Variants in TMEM134 observed in about 807,000 individuals in gnomAD.
TMEM134 encodes transmembrane protein 134.
TMEM134 carries 36 observed loss-of-function variants against 26.2 expected under a neutral mutation model. The observed-to-expected ratio is 1.37, with a 90% CI of 1.05 to 1.81. The LOEUF is 1.81. Among genes scored for constraint, TMEM134 ranks in the 40% most tolerant of loss-of-function variants. TMEM134 has a pLI of 0.00. For missense variants in TMEM134, 339 were observed against 263.5 expected, an observed-to-expected ratio of 1.29 and a Z score of -1.98; for synonymous variants, 133 against 113.6, an observed-to-expected ratio of 1.17 and a Z score of -1.08.
intron 2 of TMEM134, 129 bp downstream of exon 2, chr11:67,467,897 TGA>T (rs1284599661): frequency 4.6e-6 from 4 of 876,040 alleles, no homozygotes; most frequent in Non-Finnish European, 7.1e-6. Context: ...GTGAGGAAAG[TGA>T]GGGTCAGGCT....
chr11:67,464,850 G>T lies in TMEM134; in HGVS notation c.458C>A (p.Ser153Tyr). The change falls in exon 6 of 7, where the codon TCC becomes TAC. Residue 153 changes from serine (S) to tyrosine (Y), a missense_variant. By Grantham distance (144) the Ser-to-Tyr change is moderately radical. Transcript: ENST00000308022. The stretch of plus-strand genomic sequence containing the variant: ...GCCCGGCACGAAGAAGATGGCGCTG[G>T]AGACACCTGCGGGAGGGACCAGAGC... ...GLEATPSPGV[S>Y]SAIFFVPGFL... 1.2e-6 allele frequency: 2 copies of T among 1,610,574 alleles called. No individual in the cohort carries two copies. Among genetic ancestry groups the T allele is most frequent in the Non-Finnish European group, 1.7e-6 (2 of 1,179,748 alleles).
rs779714229 is a variant in TMEM134 at position 67,465,166 on chromosome 11, C to T, written c.407-66G>A. The T allele has an allele frequency of 5.9e-6, 9 of 1,534,162 alleles. 1 individual carries two copies. The South Asian group carries it at 9.6e-5, about 16-fold the overall frequency. On this transcript the variant is annotated intron_variant, in intron 4 of 6. Coordinates refer to ENST00000308022, the MANE Select transcript of TMEM134 (RefSeq NM_025124.4). The stretch of plus-strand genomic sequence containing the variant: ...TGGTGAGGGCGGGGGCTCCCACCCC[C>T]AGCCCGGCTCACCCACCACCTGAGC...
chr11:67,469,072 G>T lies in TMEM134; in HGVS notation c.121C>A (p.Arg41=), dbSNP rs1401437182. The T allele has an allele frequency of 1.3e-6, 2 of 1,515,868 alleles. No homozygotes were observed. Among genetic ancestry groups the T allele is most frequent in the Admixed American group, 2.0e-5 (1 of 49,068 alleles). The allele number at this position is 1,515,868 out of a possible 1,614,324, so 93.9% of individuals were successfully genotyped here. A position where few individuals can be genotyped will look rare whatever the true frequency, so the allele number is the denominator to read the frequency against. ...TCGTCAGCCACCTCGAACCGGGCCC[G>T]ACGCTCGAAGTGCAGCGGCCCAAAG... ...ARFGPLHFER[R]ARFEVADEDK... Residue 41 remains arginine (R), a synonymous_variant, in exon 1 of 7, where the codon CGG becomes AGG. Transcript: ENST00000308022.
chr11:67,469,236 C>T lies in TMEM134; in HGVS notation c.-44G>A. ...CGCCGTGCGCCGCCGCCATCTGCGC[C>T]CACACACCCAGCGTCGCCGCTGCCC... On this transcript the variant is annotated 5_prime_UTR_variant, in exon 1 of 7. Transcript: ENST00000308022. The T allele has an allele frequency of 8.0e-7, 1 of 1,244,768 alleles. No homozygotes were observed. The highest frequency in any genetic ancestry group is 3.2e-5 in the East Asian group (1 of 31,468). 77.1% of individuals were successfully genotyped at this position (1,244,768 alleles called of 1,614,324 possible). A position where few individuals can be genotyped will look rare whatever the true frequency, so the allele number is the denominator to read the frequency against.
At chr11:67,468,002 G>C (rs766348661) in intron 2 of TMEM134, 26 bp downstream of exon 2, 1 of 1,550,654 alleles carries the variant, frequency 6.4e-7, no homozygotes. Flanking sequence ...CTGGGGTACA[G>C]GGTTGGGTCC....
Position 67,463,886 on chromosome 11 carries a change from T to G in TMEM134, c.*728A>C, listed in dbSNP as rs1007325222. The G allele has an allele frequency of 6.6e-6, 1 of 152,600 alleles. No individual in the cohort carries two copies. The highest frequency in any genetic ancestry group is 2.4e-5 in the African/African-American group (1 of 41,472). 9.5% of individuals were successfully genotyped at this position (152,600 alleles called of 1,614,324 possible). A position where few individuals can be genotyped will look rare whatever the true frequency, so the allele number is the denominator to read the frequency against. ...GGTGTCTGTCAGGCGCGGCTTCCTA[T>G]GCCCTCTGCCCCCAGGTTCTCCCAA... On this transcript the variant is annotated 3_prime_UTR_variant, in exon 7 of 7. Coordinates refer to ENST00000308022, the MANE Select transcript of TMEM134 (RefSeq NM_025124.4).
In TMEM134 at chr11:67,464,530, G is replaced by A. The variant is rs537736977; in HGVS notation, c.*84C>T. 3.6e-6 allele frequency: 5 copies of A among 1,400,086 alleles called. No individual in the cohort carries two copies. The African/African-American group carries it at 5.7e-5, about 16-fold the overall frequency. The allele number at this position is 1,400,086 out of a possible 1,614,324, so 86.7% of individuals were successfully genotyped here. A position where few individuals can be genotyped will look rare whatever the true frequency, so the allele number is the denominator to read the frequency against. On this transcript the variant is annotated 3_prime_UTR_variant, in exon 7 of 7. Transcript: ENST00000308022. The stretch of plus-strand genomic sequence containing the variant: ...GGGCTGGGGTTTCGAGGGTCCTGGA[G>A]GGCCTCTTCCCTTGAGATGAGGGGA...
rs1313792712 is a variant in TMEM134, at chr11:67,464,795, G to A, written c.505+8C>T. 2 of 1,597,828 alleles carry A rather than the reference G, an allele frequency of 1.3e-6. No homozygotes were observed. ...CCCCGCCCCTTCCGCCCCGGTGCCC[G>A]CTCGCACCTCCAGGCACCAACAACA... On this transcript the variant is annotated splice_region_variant and intron_variant, in intron 6 of 6. Transcript: ENST00000308022.
At chr11:67,467,837 G>A in intron 2 of TMEM134, 191 bp downstream of exon 2, 1 of 663,472 alleles carries the variant, frequency 1.5e-6, no homozygotes, top group East Asian at 2.7e-5. Context: ...TGAAAGAGGT[G>A]AGTACAGCTG....
chr11:67,463,063 G>A lies in TMEM134; in HGVS notation c.*1551C>T, dbSNP rs763554721. 1 of 152,148 alleles carries A rather than the reference G, an allele frequency of 6.6e-6. No homozygotes were observed. The highest frequency in any genetic ancestry group is 2.4e-5 in the African/African-American group (1 of 41,424). 9.4% of individuals were successfully genotyped at this position (152,148 alleles called of 1,614,324 possible). On this transcript the variant is annotated 3_prime_UTR_variant, in exon 7 of 7. Transcript: ENST00000308022. ...AACTGGTCCTTTACCATAGCTAGTT[G>A]GGGGACCACTGGTTTAGGAGTTCCT... is the stretch of plus-strand genomic sequence containing the variant.
intron 4 of TMEM134, 105 bp downstream of exon 4, chr11:67,467,207 A>G (rs1865307887): frequency 1.6e-5 from 17 of 1,085,102 alleles, no homozygotes; most frequent in East Asian, 2.4e-5. Context: ...CTGCCTCCTC[A>G]GGATGCTGGG....
At chr11:67,466,919 C>T (rs78214939) in intron 4 of TMEM134, 3,185 of 253,176 alleles carry the variant, frequency 0.013, 107 homozygotes, top group African/African-American at 0.069. Flanking sequence ...AGCCCCTACA[C>T]GTGGCTTCTG....
At position 67,462,894 on chromosome 11, in the gene TMEM134, T is replaced by G. The variant is rs1865061128; in HGVS notation, c.*1720A>C. On this transcript the variant is annotated 3_prime_UTR_variant, in exon 7 of 7. Transcript: ENST00000308022. Reference sequence around the variant, plus strand: ...TTTTTGTAGAGATGGGGTTTTCCCATGTTTCCCAGGTTGGTCTCGAACTCC... The same window carrying G: ...TTTTTGTAGAGATGGGGTTTTCCCAGGTTTCCCAGGTTGGTCTCGAACTCC... 1 of 151,690 alleles carries G rather than the reference T, an allele frequency of 6.6e-6. No individual in the cohort carries two copies. The highest frequency in any genetic ancestry group is 2.1e-4 in the South Asian group (1 of 4,802). The allele number at this position is 151,690 out of a possible 1,614,324, so 9.4% of individuals were successfully genotyped here. A position where few individuals can be genotyped will look rare whatever the true frequency, so the allele number is the denominator to read the frequency against.
Position 67,464,704 on chromosome 11 carries a change from G to A in TMEM134, c.506-8C>T, listed in dbSNP as rs1269780622. On this transcript the variant is annotated splice_region_variant and splice_polypyrimidine_tract_variant and intron_variant, in intron 6 of 6. Transcript: ENST00000308022. ...TGAAGATCACGTGATAGACTGCGGG[G>A]CGGGGCCTGTCAGCGCAGAAGCCCC... 6.4e-7 allele frequency: 1 copy of A among 1,552,112 alleles called. No individual in the cohort carries two copies. Among genetic ancestry groups the A allele is most frequent in the South Asian group, 1.2e-5 (1 of 84,260 alleles).
In TMEM134 at chr11:67,463,058, T is replaced by C. The variant is rs116578816; in HGVS notation, c.*1556A>G. The stretch of plus-strand genomic sequence containing the variant: ...ATGAAAACTGGTCCTTTACCATAGC[T>C]AGTTGGGGGACCACTGGTTTAGGAG... On this transcript the variant is annotated 3_prime_UTR_variant, in exon 7 of 7. Coordinates refer to ENST00000308022, the MANE Select transcript of TMEM134 (RefSeq NM_025124.4). 2 of 152,254 alleles carry C rather than the reference T, an allele frequency of 1.3e-5. No homozygotes were observed. The highest frequency in any genetic ancestry group is 4.8e-5 in the African/African-American group (2 of 41,550). The allele number at this position is 152,254 out of a possible 1,614,324, so 9.4% of individuals were successfully genotyped here.
chr11:67,467,209 G>C, intron 4 of TMEM134, 103 bp downstream of exon 4: 1 of 1,112,570 alleles, frequency 9.0e-7, no homozygotes, highest in Non-Finnish European at 1.3e-6. Flanking sequence ...GCCTCCTCAG[G>C]ATGCTGGGAG....
chr11:67,467,632 C>T (rs751825587), intron 2 of TMEM134, 42 bp from the exon 3 acceptor site: 57 of 1,601,466 alleles, frequency 3.6e-5, no homozygotes, highest in East Asian at 1.3e-4. Flanking sequence ...GAGGCAAGGA[C>T]GGGGTTGCTT....
intron 1 of TMEM134, 40 bp downstream of exon 1, chr11:67,468,979 C>T (rs1263049317): frequency 2.1e-6 from 3 of 1,433,978 alleles, no homozygotes; most frequent in Admixed American, 5.2e-5. Context: ...GGGGTCCCGT[C>T]CGGCCGGGGG....
chr11:67,467,071 G>T (rs533245510), intron 4 of TMEM134: 1 of 584,384 alleles, frequency 1.7e-6, no homozygotes, highest in Non-Finnish European at 3.0e-6. Context: ...TTTTAAAAAA[G>T]GAAAAGTCTT....
Sources: allele counts gnomAD v4.1 joint callset, GRCh38; gene constraint gnomAD v4.1.1; transcripts MANE v1.5; gene names NCBI Gene and HGNC (gene_info 2026-07-23, HGNC 2026-07-21).